TNRC6C: variants seen among roughly 807,000 people sequenced by gnomAD.
The protein encoded by TNRC6C is trinucleotide repeat-containing gene 6C protein.
Under a neutral mutation model 153.7 loss-of-function variants are expected in TNRC6C, and 20 were observed. The observed-to-expected ratio is 0.13, with a 90% CI of 0.09 to 0.19. The LOEUF is 0.19. Among genes scored for constraint, TNRC6C ranks in the 10% least tolerant of loss-of-function variants. The pLI is 1.00. For synonymous variants in TNRC6C, 811 were observed against 841.4 expected (o/e 0.96, Z 0.63); for missense variants, 1,987 against 2,172.0 (o/e 0.91, Z 1.69).
intron 1 of TNRC6C, among the ~76,000 whole-genome samples, chr17:77,982,959 A>G (rs1366939892): frequency 2.6e-5 from 4 of 152,236 alleles, no homozygotes; most frequent in Non-Finnish European, 1.5e-5. Flanking sequence ...TCAATCCACC[A>G]AGAAATATGT....
intron 1 of TNRC6C, among the ~76,000 whole-genome samples, chr17:77,976,370 A>G (rs2070997559): frequency 6.6e-6 from 1 of 152,214 alleles, no homozygotes; most frequent in African/African-American, 2.4e-5. Context: ...AATTGAGCAA[A>G]AGATGTGGGA....
intron 2 of TNRC6C, among the ~76,000 whole-genome samples, chr17:78,044,923 A>G (rs2072375594): frequency 6.6e-6 from 1 of 152,216 alleles, no homozygotes; most frequent in Admixed American, 6.5e-5. Context: ...CATGGATTTG[A>G]GATGGGAAAA....
At chr17:78,062,562 G>A (rs1434954400) in intron 3 of TNRC6C, among the ~76,000 whole-genome samples, 1 of 152,180 alleles carries the variant, frequency 6.6e-6, no homozygotes, top group African/African-American at 2.4e-5. Context: ...TGAGCAAAAT[G>A]TATCTATATG....
At chr17:78,014,407 A>G (rs1360554172) in intron 1 of TNRC6C, among the ~76,000 whole-genome samples, 1 of 152,158 alleles carries the variant, frequency 6.6e-6, no homozygotes, top group Non-Finnish European at 1.5e-5. Flanking sequence ...TTGATTACTC[A>G]GCTTTAACAT....
At chr17:78,096,362 G>A (rs932054003) in intron 16 of TNRC6C, among the ~76,000 whole-genome samples, 5 of 152,114 alleles carry the variant, frequency 3.3e-5, no homozygotes, top group African/African-American at 7.2e-5. Context: ...ACACCCCCAC[G>A]ACGCACAGTT....
chr17:77,957,874 T>C (rs2070820266), upstream of TNRC6C, among the ~76,000 whole-genome samples: 1 of 152,208 alleles, frequency 6.6e-6, no homozygotes, highest in Non-Finnish European at 1.5e-5. Flanking sequence ...GTGGGGTGCG[T>C]AGGCGCCGGA....
exon 20 of TNRC6C, chr17:78,108,700 G>A (rs997738127): frequency 3.2e-5 from 5 of 154,554 alleles, no homozygotes; most frequent in African/African-American, 1.2e-4. Flanking sequence ...TCGTGGGCCT[G>A]GGTGTCCAGG....
intron 3 of TNRC6C, among the ~76,000 whole-genome samples, chr17:78,053,356 G>T (rs112335364): frequency 3.9e-4 from 60 of 152,246 alleles, no homozygotes; most frequent in African/African-American, 1.4e-3. Flanking sequence ...TAGGTCGGGC[G>T]TGGTGGCTCA....
intron 10 of TNRC6C, among the ~76,000 whole-genome samples, chr17:78,082,750 G>T (rs551418291): frequency 2.0e-5 from 3 of 152,072 alleles, no homozygotes; most frequent in African/African-American, 7.2e-5. Flanking sequence ...TAGGAATCTT[G>T]GTGATGTGAA....
chr17:77,960,268 A>T (rs756987258), intron 1 of TNRC6C, among the ~76,000 whole-genome samples: 1 of 152,144 alleles, frequency 6.6e-6, no homozygotes, highest in Non-Finnish European at 1.5e-5. Flanking sequence ...TAGATGTCCA[A>T]CTTCAGCGTC....
Position 78,049,179 on chromosome 17 carries a change from A to G in TNRC6C, c.117A>G (p.Ala39=). The change falls in exon 3 of 20, where the codon GCA becomes GCG. Residue 39 remains alanine (A), a synonymous_variant. Coordinates refer to ENST00000301624, the Ensembl canonical transcript of TNRC6C. This position sits in a 1 kb window ranked among gnomAD's most constrained non-coding sequence, Gnocchi z 4.1. The stretch of plus-strand genomic sequence containing the variant: ...CTTCTAATCAGAGTGCCCTTGGAGC[A>G]GGGGGAGCGAACAGTAATGGAAGTG... 1.2e-6 allele frequency: 2 copies of G among 1,613,162 alleles called. No individual in the cohort carries two copies. Among genetic ancestry groups the G allele is most frequent in the East Asian group, 2.2e-5 (1 of 44,882 alleles).
chr17:78,083,825 AT>A (rs2073225176), intron 11 of TNRC6C, among the ~76,000 whole-genome samples: 1 of 151,990 alleles, frequency 6.6e-6, no homozygotes, highest in East Asian at 1.9e-4. Context: ...TTTTTTTTTA[AT>A]TTTCAATCAG....
intron 6 of TNRC6C, 137 bp downstream of exon 8, chr17:78,071,302 C>A: frequency 2.3e-6 from 2 of 854,934 alleles, no homozygotes; most frequent in Non-Finnish European, 1.9e-6. Flanking sequence ...CATCATCTAA[C>A]TCTTAAATCT....
Position 78,070,680 on chromosome 17 carries a change from C to T in TNRC6C, c.2779-405C>T, listed in dbSNP as rs117389735. On this transcript the variant is annotated intron_variant, in intron 5 of 19. Transcript: ENST00000301624. ...CTTTACTCATTGGAATAAACCCCCT[C>T]ATTTTATCATTTTTCAGAATAAAGC... Among the ~76,000 whole-genome samples the T allele has an allele frequency of 2.1e-4, 32 of 152,266 alleles. 1 individual carries two copies. The East Asian group carries it at 3.3e-3, about 16-fold the overall frequency.
intron 1 of TNRC6C, among the ~76,000 whole-genome samples, chr17:77,978,478 A>T (rs2071032357): frequency 6.6e-6 from 1 of 152,176 alleles, no homozygotes; most frequent in Admixed American, 6.5e-5. Flanking sequence ...TAAATAATAA[A>T]AAGCAACTGT....
At position 78,025,028 on chromosome 17, in the gene TNRC6C, T is replaced by TGATCTCAAACTCCTCAAAATCCTGACAG. The variant is rs1352881799; in HGVS notation, c.-545-6484_-545-6483insTCAAACTCCTCAAAATCCTGACAGGATC. 2.0e-5 allele frequency among the ~76,000 whole-genome samples: 3 copies of TGATCTCAAACTCCTCAAAATCCTGACAG among 151,768 alleles called. No individual in the cohort carries two copies. The East Asian group carries it at 5.8e-4, about 30-fold the overall frequency. ...AGTGTGATCTCAAACTCCTGACAGG[T>TGATCTCAAACTCCTCAAAATCCTGACAG]GATCCACCCACCGCAGCCTCCCGAA... On this transcript the variant is annotated intron_variant, in intron 1 of 19. Transcript: ENST00000301624.
At chr17:78,028,051 A>T (rs368334320) in intron 1 of TNRC6C, among the ~76,000 whole-genome samples, 4 of 151,842 alleles carry the variant, frequency 2.6e-5, no homozygotes, top group Admixed American at 1.3e-4. Flanking sequence ...GCCCGCCACC[A>T]TGCCCGGCTA....
At chr17:78,001,363 T>C (rs564311237), upstream of TNRC6C, among the ~76,000 whole-genome samples, 1 of 152,328 alleles carries the variant, frequency 6.6e-6, no homozygotes, top group South Asian at 2.1e-4. Flanking sequence ...TTGCCGTTGC[T>C]ACTGAAACAT....
At chr17:78,086,387 C>A in intron 11 of TNRC6C, 116 bp from the exon 14 acceptor site, 1 of 645,958 alleles carries the variant, frequency 1.5e-6, no homozygotes, top group Non-Finnish European at 2.6e-6. Flanking sequence ...CAGTATGGGC[C>A]AAGAAGAGTG....
Sources: gnomAD v4.1 joint callset for allele counts (sites outside exome capture counted in the v4.1 genomes callset) on GRCh38, gnomAD v4.1.1 for gene constraint, Gnocchi (gnomAD v3.1) non-coding constraint, MANE v1.5 for transcripts, NCBI Gene and HGNC (gene_info 2026-07-23, HGNC 2026-07-21) for gene names.